COLEC10: variants seen among roughly 807,000 people sequenced by gnomAD.
The protein encoded by COLEC10 is collectin subfamily member 10, also known as collectin-10.
COLEC10 carries 22 observed loss-of-function variants against 28.4 expected under a neutral mutation model. The observed-to-expected ratio is 0.78, with a 90% CI of 0.55 to 1.11. The LOEUF (loss-of-function observed/expected upper bound fraction) is 1.11. COLEC10 is among the 50% of genes least tolerant of loss of function. COLEC10 has a pLI of 0.00. For synonymous variants in COLEC10, 125 were observed against 116.1 expected (o/e 1.08, Z -0.49); for missense variants, 361 against 344.1 (o/e 1.05, Z -0.39).
chr8:119,013,993 T>C (rs74331803), intron 2 of COLEC10, among the ~76,000 whole-genome samples: 1,898 of 150,804 alleles, frequency 0.013, 152 homozygotes, highest in African/African-American at 0.044. Context: ...CTTTTTTGTA[T>C]TATTGCTCTC....
chr8:119,092,717 C>G (rs1184753933), intron 3 of COLEC10, among the ~76,000 whole-genome samples: 2 of 151,948 alleles, frequency 1.3e-5, no homozygotes, highest in Non-Finnish European at 2.9e-5. Context: ...ACAAGCCTGG[C>G]CAAGATAGCA....
chr8:118,955,106 A>C, the COLEC10 span, among the ~76,000 whole-genome samples: 4 of 152,202 alleles, frequency 2.6e-5, no homozygotes, highest in Non-Finnish European at 5.9e-5. Context: ...ATTAAAAAGA[A>C]GTTTTATTCT....
chr8:119,100,482 T>C lies in COLEC10; in HGVS notation c.293-1866T>C, dbSNP rs549783394. Among the ~76,000 whole-genome samples the C allele has an allele frequency of 6.6e-5, 10 of 152,312 alleles. No homozygotes were observed. In the East Asian group the frequency reaches 1.4e-3, roughly 21 times the overall value. The stretch of plus-strand genomic sequence containing the variant: ...TTTTCCAACTTACAGGTAAGAGAAA[T>C]AAGGAATTTGCAGGATATAACTAAG... On this transcript the variant is annotated intron_variant, in intron 3 of 5. Transcript: ENST00000332843.
chr8:119,063,665 T>C (rs1402140643), upstream of COLEC10, among the ~76,000 whole-genome samples: 1 of 151,676 alleles, frequency 6.6e-6, no homozygotes, highest in Non-Finnish European at 1.5e-5. Flanking sequence ...CGTAAGGTCA[T>C]GTTCACAAGT....
intron 3 of COLEC10, among the ~76,000 whole-genome samples, chr8:119,092,737 C>T (rs550869919): frequency 6.6e-6 from 1 of 152,148 alleles, no homozygotes; most frequent in African/African-American, 2.4e-5. Flanking sequence ...AAAACCCCAT[C>T]TCTACTAAAA....
intron 2 of COLEC10, among the ~76,000 whole-genome samples, chr8:119,022,290 A>G (rs1010857857): frequency 1.3e-4 from 19 of 152,000 alleles, no homozygotes; most frequent in Non-Finnish European, 4.4e-5. Flanking sequence ...GAGACTGAGC[A>G]CCCTCTCTTA....
chr8:118,955,449 G>A, the COLEC10 span, among the ~76,000 whole-genome samples: 2 of 152,086 alleles, frequency 1.3e-5, no homozygotes, highest in Admixed American at 6.5e-5. Flanking sequence ...TTGGACTAGG[G>A]GTAAGTAGTT....
At chr8:119,038,184 A>C (rs1000912959) in intron 2 of COLEC10, among the ~76,000 whole-genome samples, 26 of 152,238 alleles carry the variant, frequency 1.7e-4, no homozygotes, top group African/African-American at 6.0e-4. Flanking sequence ...TTGATATGAG[A>C]TCAACCTGGG....
chr8:119,085,599 C>CTTTTTTTTTTTTTTTTTTTTTTTTTTT (rs66829005), intron 1 of COLEC10, among the ~76,000 whole-genome samples: 20 of 63,556 alleles, frequency 3.1e-4, no homozygotes, highest in Middle Eastern at 0.012. Flanking sequence ...TCTTCTTCTT[C>CTTTTTTTTTTTTTTTTTTTTTTTTTTT]TTTTTTTTTT....
the COLEC10 span, among the ~76,000 whole-genome samples, chr8:118,988,606 A>G: frequency 6.6e-6 from 1 of 152,170 alleles, no homozygotes; most frequent in East Asian, 1.9e-4. Context: ...TGAGTCACAG[A>G]CTGACTAAAA....
intron 2 of COLEC10, among the ~76,000 whole-genome samples, chr8:119,031,375 T>A (rs974120288): frequency 1.3e-5 from 2 of 152,126 alleles, no homozygotes; most frequent in Non-Finnish European, 2.9e-5. Flanking sequence ...ATATTCACAA[T>A]AACATATGAT....
chr8:119,088,221 GAA>G (rs1490618189), intron 1 of COLEC10, among the ~76,000 whole-genome samples: 1 of 150,126 alleles, frequency 6.7e-6, no homozygotes, highest in Non-Finnish European at 1.5e-5. Context: ...AAGAGAGAGA[GAA>G]AGAAAAAAGA....
At chr8:119,033,417 A>C (rs376248830) in intron 2 of COLEC10, among the ~76,000 whole-genome samples, 22 of 152,204 alleles carry the variant, frequency 1.4e-4, no homozygotes, top group African/African-American at 5.1e-4. Context: ...TAAACTAAAG[A>C]GCTTCTGCAC....
At chr8:119,038,242 T>G (rs537527485) in intron 2 of COLEC10, among the ~76,000 whole-genome samples, 1 of 152,344 alleles carries the variant, frequency 6.6e-6, no homozygotes, top group South Asian at 2.1e-4. Flanking sequence ...TTGAGCATTA[T>G]TCAACTTCTT....
intron 1 of COLEC10, among the ~76,000 whole-genome samples, chr8:119,000,535 A>G (rs545618823): frequency 1.3e-5 from 2 of 152,308 alleles, no homozygotes; most frequent in South Asian, 4.1e-4. Context: ...GGAGAGAAGT[A>G]AAGTTAAGAG....
At chr8:118,995,471 G>C (rs1373979492) in exon 1 of COLEC10, 2 of 152,196 alleles carry the variant, frequency 1.3e-5, no homozygotes, top group African/African-American at 4.8e-5. Context: ...GAATATTGCG[G>C]CAGGAACAGT....
chr8:119,005,130 C>G (rs75809911), intron 1 of COLEC10, among the ~76,000 whole-genome samples: 1 of 152,230 alleles, frequency 6.6e-6, no homozygotes, highest in Non-Finnish European at 1.5e-5. Context: ...TAATTTCACT[C>G]AATTCCTTTC....
the COLEC10 span, among the ~76,000 whole-genome samples, chr8:118,983,968 G>T: frequency 1.1e-4 from 17 of 151,214 alleles, no homozygotes; most frequent in African/African-American, 4.2e-4. Context: ...ATTCAATCTG[G>T]TAATCCCATT....
At chr8:119,089,963 T>C (rs1190459580) in intron 2 of COLEC10, among the ~76,000 whole-genome samples, 2 of 152,232 alleles carry the variant, frequency 1.3e-5, no homozygotes, top group Non-Finnish European at 2.9e-5. Flanking sequence ...TTGCATTCTT[T>C]AGGGCTGGCT....
Sources: gnomAD v4.1 joint callset for allele counts (sites outside exome capture counted in the v4.1 genomes callset) on GRCh38, gnomAD v4.1.1 for gene constraint, MANE v1.5 for transcripts, NCBI Gene and HGNC (gene_info 2026-07-23, HGNC 2026-07-21) for gene names.